Variants in SYT16 observed in about 807,000 individuals in gnomAD.
SYT16 encodes the protein synaptotagmin-16.
A neutral mutation model predicts 61.4 loss-of-function variants in SYT16; 42 were observed. The ratio of observed to expected loss-of-function variants is 0.68; its 90% CI spans 0.53 to 0.89. The LOEUF (loss-of-function observed/expected upper bound fraction) is 0.89, where lower values mean the gene tolerates loss of function less well. SYT16 is among the 40% of genes least tolerant of loss of function. The pLI, the probability that SYT16 is intolerant of heterozygous loss-of-function variation, is 0.00. For missense variants in SYT16, 804 were observed against 807.3 expected (o/e 1.00, Z 0.05); for synonymous variants, 314 against 302.3 (o/e 1.04, Z -0.40).
intron 3 of SYT16, among the ~76,000 whole-genome samples, chr14:62,048,479 A>C (rs983604613): frequency 1.3e-5 from 2 of 151,874 alleles, no homozygotes; most frequent in African/African-American, 4.8e-5. Context: ...TATTTCCTTC[A>C]GTTCTGCTCT....
rs2050714626 is a variant in SYT16, at chr14:61,952,571, G to C, written c.-324-17561G>C. ...ATGTACATTTTAAACATGTAAAGCA[G>C]ATAGGTTACTTAATTCTCAGAAGAT... On this transcript the variant is annotated intron_variant, in intron 1 of 7. Transcript: ENST00000683842. Among the ~76,000 whole-genome samples, 3 of 152,184 alleles carry C rather than the reference G, an allele frequency of 2.0e-5. No homozygotes were observed. In the East Asian group the frequency reaches 5.8e-4, roughly 29 times the overall value.
At chr14:61,837,785 C>T (rs919893652) in intron 1 of SYT16, among the ~76,000 whole-genome samples, 2 of 152,188 alleles carry the variant, frequency 1.3e-5, no homozygotes, top group African/African-American at 2.4e-5. Context: ...GTCACCCTGC[C>T]ACCTTGTGGC....
chr14:61,878,054 AT>A (rs2047561692), intron 1 of SYT16, among the ~76,000 whole-genome samples: 1 of 152,118 alleles, frequency 6.6e-6, no homozygotes, highest in African/African-American at 2.4e-5. Context: ...AACACTGATC[AT>A]TTCTACTCAC....
rs146405292 is a variant in SYT16, at chr14:62,079,630, C to T, written c.994-1204C>T. Among the ~76,000 whole-genome samples the T allele has an allele frequency of 4.5e-3, 682 of 152,256 alleles. 11 individuals are homozygous for T. The highest frequency in any genetic ancestry group is 0.015 in the African/African-American group (632 of 41,540). On this transcript the variant is annotated intron_variant, in intron 5 of 7. Transcript: ENST00000683842. ...TGAGGCATTGTATTATAATTTGAAACGAGATCTCTAAATTAGCAAGTTCTG... is the reference window on the plus strand; with the variant it reads ...TGAGGCATTGTATTATAATTTGAAATGAGATCTCTAAATTAGCAAGTTCTG...
chr14:61,936,533 T>G (rs559284668), intron 1 of SYT16, among the ~76,000 whole-genome samples: 75 of 152,258 alleles, frequency 4.9e-4, no homozygotes, highest in Admixed American at 4.8e-3. Flanking sequence ...TGATTAGGAA[T>G]AACACAGGGA....
intron 1 of SYT16, among the ~76,000 whole-genome samples, chr14:61,944,583 A>G (rs956143046): frequency 6.6e-6 from 1 of 152,144 alleles, no homozygotes; most frequent in African/African-American, 2.4e-5. Flanking sequence ...AATACCACAC[A>G]TACATCTACA....
At chr14:61,936,222 G>A (rs1332627606) in intron 1 of SYT16, among the ~76,000 whole-genome samples, 1 of 152,106 alleles carries the variant, frequency 6.6e-6, no homozygotes, top group Admixed American at 6.5e-5. Context: ...GTCAGAGTGG[G>A]GTTATGCGCT....
At chr14:61,914,359 A>G (rs993846793) in intron 1 of SYT16, among the ~76,000 whole-genome samples, 2 of 152,204 alleles carry the variant, frequency 1.3e-5, no homozygotes, top group African/African-American at 4.8e-5. Flanking sequence ...CATGCTGTCT[A>G]TATGAAGGGA....
At chr14:61,992,373 T>A (rs1185928189) in intron 2 of SYT16, among the ~76,000 whole-genome samples, 1 of 152,114 alleles carries the variant, frequency 6.6e-6, no homozygotes, top group Admixed American at 6.6e-5. Context: ...TGAGTTCTCA[T>A]GGCGCGGCAG....
At chr14:61,836,081 G>A (rs2046118629) in intron 1 of SYT16, among the ~76,000 whole-genome samples, 1 of 152,160 alleles carries the variant, frequency 6.6e-6, no homozygotes, top group African/African-American at 2.4e-5. Flanking sequence ...TCAGTGTTTT[G>A]ATTAGCCCCC....
chr14:61,846,710 G>T (rs1038318210), intron 1 of SYT16, among the ~76,000 whole-genome samples: 1 of 151,998 alleles, frequency 6.6e-6, no homozygotes. Context: ...TTTTCTTGTT[G>T]TTTTATGGTC....
At chr14:61,816,964 TCC>T (rs2045453463) in intron 1 of SYT16, among the ~76,000 whole-genome samples, 1 of 147,044 alleles carries the variant, frequency 6.8e-6, no homozygotes. Context: ...TGAGCCGAGA[TCC>T]TGCCACTGCA....
chr14:61,941,673 C>T (rs748950398), intron 1 of SYT16, among the ~76,000 whole-genome samples: 19 of 152,154 alleles, frequency 1.2e-4, no homozygotes, highest in Admixed American at 2.0e-4. Context: ...TCTCTCTTTT[C>T]TTCTTAGCTC....
chr14:62,064,951 G>C (rs537274631), intron 3 of SYT16, among the ~76,000 whole-genome samples: 11 of 152,320 alleles, frequency 7.2e-5, no homozygotes, highest in African/African-American at 2.6e-4. Flanking sequence ...GAGATCGCAA[G>C]TTTCATTTTT....
chr14:61,901,012 T>C (rs1255585736), intron 1 of SYT16, among the ~76,000 whole-genome samples: 2 of 152,208 alleles, frequency 1.3e-5, no homozygotes, highest in Non-Finnish European at 2.9e-5. Context: ...TTCCTTGGTA[T>C]GGTCTTGGAA....
At chr14:62,077,524 T>G (rs2056539883) in intron 5 of SYT16, 1 of 152,236 alleles carries the variant, frequency 6.6e-6, no homozygotes, top group African/African-American at 2.4e-5. Context: ...TTTTCATCTC[T>G]GCTTTCCACT....
chr14:61,837,406 T>A (rs1272696392), intron 1 of SYT16, among the ~76,000 whole-genome samples: 2 of 151,222 alleles, frequency 1.3e-5, no homozygotes, highest in Non-Finnish European at 2.9e-5. Context: ...CCCAGCTAAT[T>A]TTTTGTATAT....
At chr14:62,043,933 A>G (rs1454864660) in intron 3 of SYT16, among the ~76,000 whole-genome samples, 1 of 152,096 alleles carries the variant, frequency 6.6e-6, no homozygotes, top group Non-Finnish European at 1.5e-5. Context: ...TCGGCCTCTC[A>G]AAGTGCTGGG....
At chr14:61,854,435 C>T (rs374870624) in intron 1 of SYT16, among the ~76,000 whole-genome samples, 11 of 152,200 alleles carry the variant, frequency 7.2e-5, no homozygotes, top group South Asian at 6.2e-4. Flanking sequence ...CACACACGCG[C>T]GCACGCGCGT....
Sources: gnomAD v4.1 joint callset for allele counts (sites outside exome capture counted in the v4.1 genomes callset) on GRCh38, gnomAD v4.1.1 for gene constraint, MANE v1.5 for transcripts, NCBI Gene and HGNC (gene_info 2026-07-23, HGNC 2026-07-21) for gene names.